Variants in EPHB1 observed in about 807,000 individuals in gnomAD.
EPHB1 encodes the protein EPH receptor B1, also known as ephrin type-B receptor 1.
EPHB1 carries 30 observed loss-of-function variants against 94.4 expected under a neutral mutation model. The ratio of observed to expected loss-of-function variants is 0.32; its 90% CI spans 0.24 to 0.43. EPHB1 has a LOEUF of 0.43. Among genes scored for constraint, EPHB1 ranks in the 20% least tolerant of loss-of-function variants. The pLI is 1.00. For synonymous variants in EPHB1, 522 were observed against 489.1 expected, an observed-to-expected ratio of 1.07 and a Z score of -0.89; for missense variants, 1,055 against 1,308.3, an observed-to-expected ratio of 0.81 and a Z score of 2.99.
At chr3:135,118,035 C>T (rs1344965574) in intron 4 of EPHB1, among the ~76,000 whole-genome samples, 1 of 152,182 alleles carries the variant, frequency 6.6e-6, no homozygotes, top group East Asian at 1.9e-4. Context: ...GAAAGCCACT[C>T]AGTTCTCACA....
intron 3 of EPHB1, among the ~76,000 whole-genome samples, chr3:135,023,467 T>C (rs1936045701): frequency 6.6e-6 from 1 of 152,186 alleles, no homozygotes; most frequent in Non-Finnish European, 1.5e-5. Context: ...AGCCAAAATA[T>C]CTCCAGAAAT....
intron 3 of EPHB1, among the ~76,000 whole-genome samples, chr3:135,097,168 G>GT (rs145129220): frequency 0.4 from 41,453 of 104,614 alleles, 8,909 homozygotes; most frequent in South Asian, 0.6. Context: ...TTTTTTCTTT[G>GT]TTTTTTTTTT....
In EPHB1 at chr3:134,955,614, A is replaced by C. The variant is rs1388570131; in HGVS notation, c.805+3562A>C. On this transcript the variant is annotated intron_variant, in intron 3 of 15. Transcript: ENST00000398015. ...AAATACCATTTGACCCAGCCATCCC[A>C]TTACTGGGTATATACCCAAAGGACT... 2.3e-4 allele frequency among the ~76,000 whole-genome samples: 25 copies of C among 107,362 alleles called. 9 individuals are homozygous for C. Among genetic ancestry groups the C allele is most frequent in the Non-Finnish European group, 4.7e-4 (25 of 52,922 alleles). 70.4% of individuals were successfully genotyped at this position (107,362 alleles called of 152,430 possible). A position where few individuals can be genotyped will look rare whatever the true frequency, so the allele number is the denominator to read the frequency against.
chr3:134,819,061 G>A lies in EPHB1; in HGVS notation c.58+23372G>A, dbSNP rs569933242. ...AAAGGTTAGTAGCCAGTTTATGAGT[G>A]AAGGGGGCCGTTTAGGCAGGATAGA... On this transcript the variant is annotated intron_variant, in intron 1 of 15. Coordinates refer to ENST00000398015, the MANE Select transcript of EPHB1 (RefSeq NM_004441.5). Among the ~76,000 whole-genome samples the A allele has an allele frequency of 2.6e-4, 39 of 152,336 alleles. No homozygotes were observed. The South Asian group carries it at 5.0e-3, about 19-fold the overall frequency.
intron 12 of EPHB1, among the ~76,000 whole-genome samples, chr3:135,235,316 A>G (rs188950804): frequency 6.6e-6 from 1 of 152,228 alleles, no homozygotes; most frequent in Non-Finnish European, 1.5e-5. Context: ...GGATTGATCT[A>G]TGCCAGCAGT....
At chr3:134,902,735 C>G (rs574516608) in intron 1 of EPHB1, among the ~76,000 whole-genome samples, 3 of 152,222 alleles carry the variant, frequency 2.0e-5, no homozygotes, top group Non-Finnish European at 2.9e-5. Flanking sequence ...ATTAGATTAT[C>G]CTAGTTTTTA....
In EPHB1 at chr3:135,141,145, C is replaced by CTT. The variant is rs59743607; in HGVS notation, c.1297+8114_1297+8115dup. On this transcript the variant is annotated intron_variant, in intron 5 of 15. Coordinates refer to ENST00000398015, the MANE Select transcript of EPHB1 (RefSeq NM_004441.5). ...AAAGCGTGTGCGCTTCTTTCCTTTC[C>CTT]TTTTTTTTTTTTTTTTTTTCTCTTT... 3.2e-3 allele frequency among the ~76,000 whole-genome samples: 420 copies of CTT among 131,204 alleles called. 1 individual carries two copies. The highest frequency in any genetic ancestry group is 4.5e-3 in the Non-Finnish European group (274 of 61,382). 86.1% of individuals were successfully genotyped at this position (131,204 alleles called of 152,430 possible).
chr3:135,130,216 A>G (rs1410623658), intron 4 of EPHB1, among the ~76,000 whole-genome samples: 1 of 152,050 alleles, frequency 6.6e-6, no homozygotes, highest in Non-Finnish European at 1.5e-5. Context: ...GAGAGGAAGG[A>G]ACATGTCTAA....
At chr3:135,058,661 T>G (rs1937410412) in intron 3 of EPHB1, among the ~76,000 whole-genome samples, 1 of 152,222 alleles carries the variant, frequency 6.6e-6, no homozygotes, top group South Asian at 2.1e-4. Context: ...ATCCCCAGCA[T>G]GTGAAGCTTT....
intron 2 of EPHB1, among the ~76,000 whole-genome samples, chr3:134,935,406 T>G (rs1347711867): frequency 6.6e-6 from 1 of 152,208 alleles, no homozygotes. Flanking sequence ...CTTCCAGTTA[T>G]GGGCAAAAGC....
At chr3:134,822,741 G>A (rs1262853818) in intron 1 of EPHB1, among the ~76,000 whole-genome samples, 2 of 152,166 alleles carry the variant, frequency 1.3e-5, no homozygotes, top group East Asian at 1.9e-4. Context: ...TTTTAAAATA[G>A]CATTCTTTTG....
Position 135,259,008 on chromosome 3 carries a change from C to A in EPHB1, c.2847-4C>A. On this transcript the variant is annotated splice_polypyrimidine_tract_variant and splice_region_variant and intron_variant, in intron 15 of 15. Transcript: ENST00000398015. ...TGACTTCTTTTCTGGCTCTTTCCTCCTAGAGACCTCCTGAGAATAGGCATC... is the reference window on the plus strand; with the variant it reads ...TGACTTCTTTTCTGGCTCTTTCCTCATAGAGACCTCCTGAGAATAGGCATC... 6.2e-7 allele frequency: 1 copy of A among 1,600,950 alleles called. No individual in the cohort carries two copies. The highest frequency in any genetic ancestry group is 8.5e-7 in the Non-Finnish European group (1 of 1,173,334).
intron 3 of EPHB1, among the ~76,000 whole-genome samples, chr3:134,985,678 G>C (rs1294469105): frequency 2.0e-5 from 3 of 152,144 alleles, no homozygotes; most frequent in Non-Finnish European, 4.4e-5. Flanking sequence ...TAAATGAGAT[G>C]AGTAACATGC....
intron 1 of EPHB1, among the ~76,000 whole-genome samples, chr3:134,891,582 G>A (rs1045062800): frequency 2.6e-5 from 4 of 152,162 alleles, no homozygotes; most frequent in African/African-American, 9.7e-5. Flanking sequence ...GATGTTCATT[G>A]AGACACCTGG....
chr3:135,008,644 A>C (rs1935510471), intron 3 of EPHB1, among the ~76,000 whole-genome samples: 1 of 152,168 alleles, frequency 6.6e-6, no homozygotes, highest in Non-Finnish European at 1.5e-5. Flanking sequence ...AGAGGTGAAA[A>C]TTGCTGCTAT....
intron 1 of EPHB1, among the ~76,000 whole-genome samples, chr3:134,868,759 A>C (rs768457675): frequency 6.6e-6 from 1 of 152,260 alleles, no homozygotes; most frequent in African/African-American, 2.4e-5. Context: ...TGGGAAAAAA[A>C]GCTGACAAAC....
intron 1 of EPHB1, among the ~76,000 whole-genome samples, chr3:134,881,151 A>T (rs914936845): frequency 6.6e-6 from 1 of 151,744 alleles, no homozygotes; most frequent in African/African-American, 2.4e-5. Flanking sequence ...TTGTGGGAGG[A>T]TCTTTTGTTA....
chr3:135,248,545 T>C, intron 14 of EPHB1, 36 bp downstream of exon 14: 1 of 1,523,180 alleles, frequency 6.6e-7, no homozygotes, highest in Non-Finnish European at 8.9e-7. Flanking sequence ...TAAATATGGC[T>C]GGTTTCATGG....
intron 4 of EPHB1, among the ~76,000 whole-genome samples, chr3:135,131,361 T>C (rs1940408659): frequency 6.6e-6 from 1 of 152,216 alleles, no homozygotes; most frequent in Admixed American, 6.5e-5. Flanking sequence ...GACCTTATTG[T>C]TATTCCCTCA....
Sources: gnomAD v4.1 joint callset for allele counts (sites outside exome capture counted in the v4.1 genomes callset) on GRCh38, gnomAD v4.1.1 for gene constraint, MANE v1.5 for transcripts, NCBI Gene and HGNC (gene_info 2026-07-23, HGNC 2026-07-21) for gene names.